Variants in LRRC28 observed in about 807,000 individuals in gnomAD.
LRRC28 encodes leucine-rich repeat-containing protein 28.
In LRRC28, 39 loss-of-function variants were observed where a neutral mutation model predicts 45.7. That is an observed-to-expected ratio of 0.85 (90% CI 0.66 to 1.12). The LOEUF is 1.12. Among genes scored for constraint, LRRC28 ranks in the 50% most tolerant of loss-of-function variants. The pLI is 0.00. For missense variants in LRRC28, 435 were observed against 438.5 expected (o/e 0.99, Z 0.07); for synonymous variants, 206 against 178.8 (o/e 1.15, Z -1.22).
chr15:99,283,368 C>T (rs1229109116), intron 3 of LRRC28, among the ~76,000 whole-genome samples: 3 of 150,190 alleles, frequency 2.0e-5, no homozygotes, highest in Non-Finnish European at 4.4e-5. Flanking sequence ...AATCCCAGCA[C>T]TTTGGGAGGC....
intron 5 of LRRC28, among the ~76,000 whole-genome samples, chr15:99,311,406 C>T (rs1955405271): frequency 6.6e-6 from 1 of 152,160 alleles, no homozygotes; most frequent in Admixed American, 6.5e-5. Context: ...TTCACAATTT[C>T]TTCTTTACCC....
At chr15:99,336,585 A>G (rs1266223910) in intron 6 of LRRC28, among the ~76,000 whole-genome samples, 1 of 152,052 alleles carries the variant, frequency 6.6e-6, no homozygotes, top group Non-Finnish European at 1.5e-5. Context: ...CTCTCTCTCT[A>G]TTCACTTAGC....
chr15:99,290,919 G>A (rs984372386), intron 5 of LRRC28, among the ~76,000 whole-genome samples: 6 of 152,120 alleles, frequency 3.9e-5, no homozygotes, highest in African/African-American at 9.7e-5. Flanking sequence ...AGTGAACTCT[G>A]ATTGCAGTAT....
intron 2 of LRRC28, among the ~76,000 whole-genome samples, chr15:99,263,290 G>A (rs2152132966): frequency 7.0e-6 from 1 of 143,306 alleles, no homozygotes; most frequent in Non-Finnish European, 1.5e-5. Context: ...CTCCACGCCA[G>A]CCTGGGTGAC....
chr15:99,290,039 C>G lies in LRRC28; in HGVS notation c.385+2088C>G, dbSNP rs2082075321. Among the ~76,000 whole-genome samples, 3 of 148,950 alleles carry G rather than the reference C, an allele frequency of 2.0e-5. No homozygotes were observed. In the South Asian group the frequency reaches 6.4e-4, roughly 32 times the overall value. On this transcript the variant is annotated intron_variant, in intron 5 of 9. Transcript: ENST00000301981. ...TTGGGAGGCCGAGGTGGGTGGATCA[C>G]CTGAGGTCAGGAGTTCGAGACCAGC...
chr15:99,255,331 T>A (rs2080983536), intron 1 of LRRC28, among the ~76,000 whole-genome samples: 1 of 151,448 alleles, frequency 6.6e-6, no homozygotes, highest in Admixed American at 6.6e-5. Context: ...CGCCCCAGCC[T>A]GGGCAACAGA....
intron 5 of LRRC28, among the ~76,000 whole-genome samples, chr15:99,323,244 G>A (rs912442729): frequency 6.6e-6 from 1 of 152,120 alleles, no homozygotes; most frequent in Admixed American, 6.5e-5. Flanking sequence ...TTCTAGCTAG[G>A]CTGCTTATTT....
At chr15:99,306,645 A>G (rs1430474663) in intron 5 of LRRC28, among the ~76,000 whole-genome samples, 1 of 152,242 alleles carries the variant, frequency 6.6e-6, no homozygotes, top group Non-Finnish European at 1.5e-5. Context: ...TAATGTACAT[A>G]TGCATTGTGC....
At chr15:99,373,505 G>A (rs1305358114) in intron 9 of LRRC28, among the ~76,000 whole-genome samples, 5 of 152,040 alleles carry the variant, frequency 3.3e-5, no homozygotes, top group African/African-American at 7.2e-5. Context: ...ATTCCCTCAA[G>A]CATTTATTCT....
rs1956248678 is a variant in LRRC28, at chr15:99,334,237, A to G, written c.592+108A>G. 1.3e-5 allele frequency: 17 copies of G among 1,261,482 alleles called. No individual in the cohort carries two copies. In the South Asian group the frequency reaches 2.3e-4, roughly 17 times the overall value. 78.1% of individuals were successfully genotyped at this position (1,261,482 alleles called of 1,614,324 possible). On this transcript the variant is annotated intron_variant, in intron 6 of 9. Transcript: ENST00000301981. The stretch of plus-strand genomic sequence containing the variant: ...TTCCTTCCTTCTGTTTATCTTGACG[A>G]TTGCTTCTCTAAGTTTGTTTTTGCA...
chr15:99,325,502 G>A (rs1315359536), intron 5 of LRRC28, among the ~76,000 whole-genome samples: 1 of 152,136 alleles, frequency 6.6e-6, no homozygotes, highest in Non-Finnish European at 1.5e-5. Flanking sequence ...TCCTTGCCTT[G>A]TAGGCACAAG....
intron 7 of LRRC28, among the ~76,000 whole-genome samples, chr15:99,359,389 A>G (rs1399168039): frequency 1.3e-5 from 2 of 152,234 alleles, no homozygotes; most frequent in African/African-American, 4.8e-5. Context: ...TAAGGGATGG[A>G]CGTGGACAGT....
In LRRC28 at chr15:99,385,245, G is replaced by A. The variant is rs571171931; in HGVS notation, c.1032-785G>A. On this transcript the variant is annotated intron_variant, in intron 9 of 9. Coordinates refer to ENST00000301981, the MANE Select transcript of LRRC28 (RefSeq NM_144598.5). ...TGGCCTAACCAGAAGCTAGAGTTGA[G>A]GCAACTTTGCTGGTAAAGTCTACAG... Among the ~76,000 whole-genome samples, 3 of 152,352 alleles carry A rather than the reference G, an allele frequency of 2.0e-5. No individual in the cohort carries two copies. In the East Asian group the frequency reaches 5.8e-4, roughly 29 times the overall value.
chr15:99,387,104 A>C lies in LRRC28; in HGVS notation c.*1002A>C, dbSNP rs950743276. On this transcript the variant is annotated 3_prime_UTR_variant, in exon 10 of 10. Transcript: ENST00000301981. Reference sequence around the variant, plus strand: ...GAGACGGAGTCTCGCTCTGTCGCCCAGGCTGGAGTGCAGTGGCGGGATCTC... The same window carrying C: ...GAGACGGAGTCTCGCTCTGTCGCCCCGGCTGGAGTGCAGTGGCGGGATCTC... The C allele has an allele frequency of 6.6e-6, 1 of 151,606 alleles. No homozygotes were observed. Among genetic ancestry groups the C allele is most frequent in the Admixed American group, 6.6e-5 (1 of 15,216 alleles). 9.4% of individuals were successfully genotyped at this position (151,606 alleles called of 1,614,324 possible). A position where few individuals can be genotyped will look rare whatever the true frequency, so the allele number is the denominator to read the frequency against.
rs773647642 is a variant in LRRC28 at position 99,386,134 on chromosome 15, G to A, written c.*32G>A. 3.8e-6 allele frequency: 6 copies of A among 1,568,758 alleles called. No homozygotes were observed. Among genetic ancestry groups the A allele is most frequent in the Non-Finnish European group, 5.3e-6 (6 of 1,138,616 alleles). On this transcript the variant is annotated 3_prime_UTR_variant, in exon 10 of 10. Transcript: ENST00000301981. ...CTCAAGAACCTCAGGAGCGCTGCCA[G>A]CTTGACACTGGGGAATCCAGCCAGT...
chr15:99,289,164 TG>T (rs1317382077), intron 5 of LRRC28, among the ~76,000 whole-genome samples: 1 of 152,172 alleles, frequency 6.6e-6, no homozygotes, highest in Non-Finnish European at 1.5e-5. Flanking sequence ...TTTGATTTCT[TG>T]GGAGGAGCAT....
At chr15:99,301,134 C>A (rs1357439053) in intron 5 of LRRC28, among the ~76,000 whole-genome samples, 1 of 152,102 alleles carries the variant, frequency 6.6e-6, no homozygotes, top group Non-Finnish European at 1.5e-5. Context: ...TGAGAAGATC[C>A]AATAGCATAG....
intron 3 of LRRC28, chr15:99,285,305 C>G: frequency 1.4e-6 from 1 of 739,618 alleles, no homozygotes; most frequent in Non-Finnish European, 2.5e-6. Context: ...AGAATCTTCT[C>G]TTGAGACAGC....
chr15:99,381,837 AGAACAGCAAATATTGCT>A (rs1208088615), intron 9 of LRRC28, among the ~76,000 whole-genome samples: 1 of 152,272 alleles, frequency 6.6e-6, no homozygotes, highest in Admixed American at 6.5e-5. Context: ...CAGAGGCTGC[AGAACAGCAAATATTGCT>A]GAACAGCAAA....
Sources: allele counts gnomAD v4.1 joint callset (sites outside exome capture counted in the v4.1 genomes callset), GRCh38; gene constraint gnomAD v4.1.1; transcripts MANE v1.5; gene names NCBI Gene and HGNC (gene_info 2026-07-23, HGNC 2026-07-21).